Variants in DDX27 observed in about 807,000 individuals in gnomAD.
DDX27 encodes probable ATP-dependent RNA helicase DDX27.
In DDX27, 42 loss-of-function variants were observed where a neutral mutation model predicts 99.3. The observed-to-expected ratio is 0.42, with a 90% CI of 0.33 to 0.55. The LOEUF (loss-of-function observed/expected upper bound fraction) is 0.55, where lower values mean the gene tolerates loss of function less well. DDX27 is among the 20% of genes least tolerant of loss of function. The pLI is 0.07. For synonymous variants in DDX27, 329 were observed against 353.8 expected (o/e 0.93, Z 0.79); for missense variants, 798 against 976.8 (o/e 0.82, Z 2.44).
rs755899034 is a variant in DDX27, at chr20:49,233,449, G to C, written c.1131+44G>C. 6 of 1,608,324 alleles carry C rather than the reference G, an allele frequency of 3.7e-6. No homozygotes were observed. The South Asian group carries it at 6.6e-5, about 18-fold the overall frequency. The stretch of plus-strand genomic sequence containing the variant: ...CTGTGGCGGGTGGCAGGTGTGCCCA[G>C]AGGGGGCCATGCAGAGGACCCTGGC... On this transcript the variant is annotated intron_variant, in intron 10 of 20. Transcript: ENST00000618172.
chr20:49,236,303 C>T lies in DDX27; in HGVS notation c.1510-30C>T. ...CCTCTTCGCACCCCCCTTCCCTTGC[C>T]AGGCCTGACGTTCATTTTTGACCTT... On this transcript the variant is annotated intron_variant, in intron 13 of 20. Coordinates refer to ENST00000618172, the MANE Select transcript of DDX27 (RefSeq NM_017895.8). The surrounding 1 kb of genome is among the most constrained non-coding windows in gnomAD (Gnocchi z 4.1). 1 of 1,568,802 alleles carries T rather than the reference C, an allele frequency of 6.4e-7. No homozygotes were observed.
At position 49,243,527 on chromosome 20, in the gene DDX27, A is replaced by G. The variant is rs540132992; in HGVS notation, c.2205-102A>G. ...TTAGGGCCTGAAAATGATGCATCCCAGAGATGCTACTGCTTCATGTAGGAG... is the reference window on the plus strand; with the variant it reads ...TTAGGGCCTGAAAATGATGCATCCCGGAGATGCTACTGCTTCATGTAGGAG... On this transcript the variant is annotated intron_variant, in intron 19 of 20. Transcript: ENST00000618172. The G allele has an allele frequency of 1.9e-5, 19 of 992,400 alleles. No individual in the cohort carries two copies. The South Asian group carries it at 2.2e-4, about 12-fold the overall frequency. The allele number at this position is 992,400 out of a possible 1,614,324, so 61.5% of individuals were successfully genotyped here. A position where few individuals can be genotyped will look rare whatever the true frequency, so the allele number is the denominator to read the frequency against.
In DDX27 at chr20:49,236,302, C is replaced by A. The variant is rs780180808; in HGVS notation, c.1510-31C>A. 1 of 1,568,218 alleles carries A rather than the reference C, an allele frequency of 6.4e-7. No individual in the cohort carries two copies. The highest frequency in any genetic ancestry group is 1.8e-5 in the Admixed American group (1 of 54,790). The stretch of plus-strand genomic sequence containing the variant: ...GCCTCTTCGCACCCCCCTTCCCTTG[C>A]CAGGCCTGACGTTCATTTTTGACCT... On this transcript the variant is annotated intron_variant, in intron 13 of 20. Transcript: ENST00000618172. This position sits in a 1 kb window ranked among gnomAD's most constrained non-coding sequence, Gnocchi z 4.1.
At chr20:49,223,479 A>G in intron 4 of DDX27, 46 bp downstream of exon 4, 2 of 1,551,750 alleles carry the variant, frequency 1.3e-6, no homozygotes, top group Non-Finnish European at 1.7e-6. Flanking sequence ...AGGAGATCAG[A>G]AGGCATCCTC....
intron 4 of DDX27, among the ~76,000 whole-genome samples, chr20:49,224,578 G>T (rs1979809168): frequency 6.6e-6 from 1 of 152,082 alleles, no homozygotes; most frequent in African/African-American, 2.4e-5. Flanking sequence ...GGACAGGCTG[G>T]TCCCGAACTC....
rs756095588 is a variant in DDX27, at chr20:49,233,363, C to T, written c.1089C>T (p.His363=). ...AGGAGATCATCCGAATGTGTTCCCA[C>T]CACCGCCAGACCATGCTCTTCTCGG... ...QMKEIIRMCS[H]HRQTMLFSAT... Residue 363 remains histidine (H), a synonymous_variant, in exon 10 of 21, where the codon CAC becomes CAT. Transcript: ENST00000618172. 2.5e-6 allele frequency: 4 copies of T among 1,614,010 alleles called. No individual in the cohort carries two copies. The highest frequency in any genetic ancestry group is 2.7e-5 in the African/African-American group (2 of 74,930).
chr20:49,227,023 C>T (rs565444870), intron 7 of DDX27, among the ~76,000 whole-genome samples: 16 of 150,208 alleles, frequency 1.1e-4, no homozygotes, highest in East Asian at 5.9e-4. Context: ...CCACTACGCC[C>T]GGCTAATTTT....
At position 49,243,977 on chromosome 20, in the gene DDX27, C is replaced by G. The variant is rs949312926; in HGVS notation, c.*143C>G. On this transcript the variant is annotated 3_prime_UTR_variant, in exon 21 of 21. Transcript: ENST00000618172. ...AACACTTTGGTGTGGTGGTATGGTA[C>G]GTAGCTATTTTCCTAAGCATGTCTG... 1.1e-5 allele frequency: 10 copies of G among 912,890 alleles called. No individual in the cohort carries two copies. The highest frequency in any genetic ancestry group is 1.7e-5 in the Non-Finnish European group (10 of 602,106). The allele number at this position is 912,890 out of a possible 1,614,324, so 56.5% of individuals were successfully genotyped here.
At chr20:49,241,154 AGTGGAATAGTG>A (rs993956324) in intron 16 of DDX27, among the ~76,000 whole-genome samples, 1 of 152,222 alleles carries the variant, frequency 6.6e-6, no homozygotes, top group Non-Finnish European at 1.5e-5. Flanking sequence ...AATTCCTAAA[AGTGGAATAGTG>A]GGTCAGAGGA....
At chr20:49,219,821 T>C (rs6019694) in intron 1 of DDX27, among the ~76,000 whole-genome samples, 148,223 of 152,174 alleles carry the variant, frequency 0.97, 72,301 homozygotes, top group East Asian at 1. Flanking sequence ...GACGGCAGGT[T>C]TCTTACACCT....
intron 1 of DDX27, among the ~76,000 whole-genome samples, chr20:49,219,920 T>C (rs982011252): frequency 2.6e-5 from 4 of 152,184 alleles, no homozygotes; most frequent in African/African-American, 9.6e-5. Context: ...GTTTATTGAA[T>C]ACTTAACGCC....
chr20:49,237,638 G>A (rs1423218595), intron 14 of DDX27, among the ~76,000 whole-genome samples: 1 of 152,176 alleles, frequency 6.6e-6, no homozygotes, highest in African/African-American at 2.4e-5. Context: ...CAGTAGATGT[G>A]ATTGAGAACA....
At chr20:49,228,656 C>G (rs1030898166) in intron 7 of DDX27, 59 bp from the exon 8 acceptor site, 1 of 1,463,912 alleles carries the variant, frequency 6.8e-7, no homozygotes, top group South Asian at 1.3e-5. Context: ...CTGGTGAAAA[C>G]CTAACCCTGG....
intron 2 of DDX27, among the ~76,000 whole-genome samples, chr20:49,222,716 A>G (rs900000972): frequency 6.6e-5 from 10 of 151,850 alleles, no homozygotes; most frequent in African/African-American, 2.4e-4. Context: ...GGGTTTCTCC[A>G]TGTTGAGGCT....
intron 9 of DDX27, 83 bp downstream of exon 9, chr20:49,230,432 T>C: frequency 3.4e-6 from 5 of 1,477,708 alleles, no homozygotes; most frequent in Non-Finnish European, 4.5e-6. Flanking sequence ...ACTGCGTTAT[T>C]CTTTGTGGCT....
chr20:49,240,836 A>G (rs958271310), intron 16 of DDX27, among the ~76,000 whole-genome samples: 20 of 152,024 alleles, frequency 1.3e-4, no homozygotes, highest in African/African-American at 4.6e-4. Flanking sequence ...GCAGCATGGC[A>G]AAACCCCATC....
intron 4 of DDX27, among the ~76,000 whole-genome samples, chr20:49,224,100 T>G (rs1166868829): frequency 6.6e-6 from 1 of 151,864 alleles, no homozygotes; most frequent in African/African-American, 2.4e-5. Flanking sequence ...TAGTCTCAAA[T>G]TTCTAGGCTC....
intron 18 of DDX27, 34 bp downstream of exon 18, chr20:49,242,240 A>G (rs765139337): frequency 1.2e-6 from 2 of 1,611,224 alleles, no homozygotes. Flanking sequence ...GAGCTTGTAC[A>G]AGGTTTTCCC....
In DDX27 at chr20:49,230,231, CTT is replaced by C. The variant is rs1980054359; in HGVS notation, c.914_915del (p.Leu305ProfsTer5). Reference sequence around the variant, plus strand: ...GGATGTGAAGTCTCAGGAAGCAGCTCTTCGGGCAGCGCCTGACATCCTCATCG... The same window carrying C: ...GGATGTGAAGTCTCAGGAAGCAGCTCCGGGCAGCGCCTGACATCCTCATCG... ...GLDVKSQEAA[L>X]RAAPDILIAT... On this transcript the variant is annotated frameshift_variant, in exon 9 of 21. Transcript: ENST00000618172. LOFTEE classifies it high-confidence loss of function. 6.2e-7 allele frequency: 1 copy of C among 1,613,142 alleles called. No individual in the cohort carries two copies. The highest frequency in any genetic ancestry group is 8.5e-7 in the Non-Finnish European group (1 of 1,179,976).
Sources: gnomAD v4.1 joint callset for allele counts (sites outside exome capture counted in the v4.1 genomes callset) on GRCh38, gnomAD v4.1.1 for gene constraint, Gnocchi (gnomAD v3.1) non-coding constraint, MANE v1.5 for transcripts, NCBI Gene and HGNC (gene_info 2026-07-23, HGNC 2026-07-21) for gene names.